The following RNF38 variants were observed in gnomAD, a reference collection of about 807,000 sequenced individuals.
RNF38 encodes the protein E3 ubiquitin-protein ligase RNF38.
In RNF38, 15 loss-of-function variants were observed where a neutral mutation model predicts 67.2. That is an observed-to-expected ratio of 0.22 (90% CI 0.15 to 0.34). The LOEUF (loss-of-function observed/expected upper bound fraction) is 0.34, where lower values mean the gene tolerates loss of function less well. RNF38 is among the 10% of genes least tolerant of loss of function. The pLI is 1.00. For synonymous variants in RNF38, 220 were observed against 218.8 expected (o/e 1.01, Z -0.05); for missense variants, 524 against 639.9 (o/e 0.82, Z 1.95).
intron 1 of RNF38, among the ~76,000 whole-genome samples, chr9:36,452,515 G>T (rs952001371): frequency 6.6e-6 from 1 of 151,266 alleles, no homozygotes; most frequent in Non-Finnish European, 1.5e-5. Context: ...CCATGTTGTG[G>T]CATGTTAGCA....
chr9:36,360,517 C>G (rs1000623824), intron 4 of RNF38, among the ~76,000 whole-genome samples: 16 of 152,130 alleles, frequency 1.1e-4, no homozygotes, highest in Non-Finnish European at 2.2e-4. Flanking sequence ...ATCCCAAAAT[C>G]TGAAATCCAA....
intron 1 of RNF38, among the ~76,000 whole-genome samples, chr9:36,463,687 A>C (rs925590622): frequency 1.3e-5 from 2 of 152,224 alleles, no homozygotes; most frequent in Non-Finnish European, 2.9e-5. Flanking sequence ...CATTTGAACA[A>C]AGGCAAGTAT....
At chr9:36,351,637 C>T (rs573374756) in intron 8 of RNF38, among the ~76,000 whole-genome samples, 35 of 151,836 alleles carry the variant, frequency 2.3e-4, no homozygotes, top group East Asian at 5.8e-4. Context: ...ATAGAGAAAA[C>T]GGGGAGAGAG....
intron 1 of RNF38, among the ~76,000 whole-genome samples, chr9:36,439,455 T>A (rs961257650): frequency 1.3e-5 from 2 of 152,168 alleles, no homozygotes; most frequent in Admixed American, 1.3e-4. Flanking sequence ...ATATGACGTA[T>A]GTAAAGAACA....
upstream of RNF38, chr9:36,400,350 AGC>A: frequency 8.2e-7 from 1 of 1,224,776 alleles, no homozygotes; most frequent in Non-Finnish European, 1.0e-6. Context: ...AAAGGGAGGG[AGC>A]GAGAGAGCGA....
chr9:36,432,326 G>C (rs1003757371), intron 1 of RNF38, among the ~76,000 whole-genome samples: 11 of 151,920 alleles, frequency 7.2e-5, no homozygotes, highest in African/African-American at 2.4e-4. Flanking sequence ...GTGGAAACGG[G>C]GTTTCACTGT....
intron 9 of RNF38, among the ~76,000 whole-genome samples, chr9:36,346,323 C>T (rs1335048051): frequency 6.6e-6 from 1 of 152,006 alleles, no homozygotes; most frequent in Non-Finnish European, 1.5e-5. Context: ...CTCTTGCCTC[C>T]TCCTCCTGAG....
At chr9:36,462,619 T>C (rs886308303) in intron 1 of RNF38, among the ~76,000 whole-genome samples, 9 of 152,094 alleles carry the variant, frequency 5.9e-5, no homozygotes, top group African/African-American at 1.9e-4. Flanking sequence ...CCTAACTTCC[T>C]TCGAATTTCT....
intron 2 of RNF38, among the ~76,000 whole-genome samples, chr9:36,409,479 A>C (rs1224541247): frequency 6.6e-6 from 1 of 152,226 alleles, no homozygotes; most frequent in Non-Finnish European, 1.5e-5. Flanking sequence ...TTGAGATGCA[A>C]GAAACATTCG....
At chr9:36,467,784 A>T (rs984530625) in intron 1 of RNF38, among the ~76,000 whole-genome samples, 1 of 152,156 alleles carries the variant, frequency 6.6e-6, no homozygotes, top group Non-Finnish European at 1.5e-5. Flanking sequence ...TAGTGGGGAG[A>T]GGAATAAGAA....
At chr9:36,424,733 A>G (rs1373701456) in intron 1 of RNF38, 1 of 768,130 alleles carries the variant, frequency 1.3e-6, no homozygotes, top group Non-Finnish European at 1.6e-6. Flanking sequence ...CCTTACATTT[A>G]AACTGCTTTA....
intron 1 of RNF38, among the ~76,000 whole-genome samples, chr9:36,449,439 T>C (rs906867142): frequency 4.0e-5 from 6 of 151,806 alleles, no homozygotes; most frequent in African/African-American, 1.5e-4. Flanking sequence ...TCTCTCTTTT[T>C]TTTCCTTTTT....
At chr9:36,348,843 A>T (rs1268601079) in intron 9 of RNF38, among the ~76,000 whole-genome samples, 2 of 152,264 alleles carry the variant, frequency 1.3e-5, no homozygotes, top group Non-Finnish European at 2.9e-5. Flanking sequence ...GAAAGTGAAT[A>T]CACTAAACAA....
intron 1 of RNF38, among the ~76,000 whole-genome samples, chr9:36,455,671 G>A (rs1331800514): frequency 2.0e-5 from 3 of 148,454 alleles, no homozygotes; most frequent in Non-Finnish European, 3.0e-5. Context: ...GGGAGGCTGA[G>A]GCAGGAGAAT....
intron 3 of RNF38, among the ~76,000 whole-genome samples, chr9:36,373,075 C>T (rs1835505308): frequency 1.3e-5 from 2 of 152,194 alleles, no homozygotes; most frequent in East Asian, 3.9e-4. Context: ...GGTGTTGTGG[C>T]AGGCACCTGT....
At chr9:36,446,982 C>A (rs563129094) in intron 1 of RNF38, among the ~76,000 whole-genome samples, 1 of 150,814 alleles carries the variant, frequency 6.6e-6, no homozygotes, top group East Asian at 1.9e-4. Flanking sequence ...AAAAACATAG[C>A]TGGGTGTGGT....
chr9:36,453,845 T>C (rs925886771), intron 1 of RNF38, among the ~76,000 whole-genome samples: 3 of 152,192 alleles, frequency 2.0e-5, no homozygotes, highest in Admixed American at 6.5e-5. Context: ...TTTTTAAGTG[T>C]GATAATGACA....
At chr9:36,430,642 T>C (rs1050116095) in intron 1 of RNF38, among the ~76,000 whole-genome samples, 3 of 152,158 alleles carry the variant, frequency 2.0e-5, no homozygotes, top group African/African-American at 7.2e-5. Context: ...TCTGATTTGA[T>C]TGATTTTCTT....
rs1564005001 is a variant in RNF38, at chr9:36,356,431, C to G, written c.781G>C (p.Ala261Pro). 1 of 1,613,280 alleles carries G rather than the reference C, an allele frequency of 6.2e-7. No individual in the cohort carries two copies. The highest frequency in any genetic ancestry group is 1.7e-5 in the Admixed American group (1 of 59,964). Reference sequence around the variant, plus strand: ...CTAGAAATAAGGGGTGGGAATGCAGCATATGGTACTGGTAAGTGCTGAACT... The same window carrying G: ...CTAGAAATAAGGGGTGGGAATGCAGGATATGGTACTGGTAAGTGCTGAACT... Reference protein sequence around the residue: ...CSVQHLPVPYAAFPPLISSDP... With the variant: ...CSVQHLPVPYPAFPPLISSDP... The change falls in exon 6 of 12, where the codon GCT becomes CCT. Residue 261 changes from alanine (A) to proline (P), a missense_variant. Ala to Pro is a conservative substitution (Grantham distance 27, BLOSUM62 -1). Around this residue, in one of 2 missense-constraint regions of RNF38, gnomAD observed 461 missense variants for 517.4 expected, o/e 0.89. Transcript: ENST00000259605.
Sources: gnomAD v4.1 joint callset for allele counts (sites outside exome capture counted in the v4.1 genomes callset) on GRCh38, gnomAD v4.1.1 for gene constraint, gnomAD v4.1.1 regional missense constraint, MANE v1.5 for transcripts, NCBI Gene and HGNC (gene_info 2026-07-23, HGNC 2026-07-21) for gene names.